The following CEP72 variants were observed in gnomAD, a reference collection of about 807,000 sequenced individuals.
The protein encoded by CEP72 is centrosomal protein 72.
A neutral mutation model predicts 65.7 loss-of-function variants in CEP72; 78 were observed. The observed-to-expected ratio is 1.19, with a 90% CI of 0.99 to 1.43. The LOEUF is 1.43. Ranked by LOEUF, CEP72 falls within the 40% of genes most tolerant of loss-of-function variation. CEP72 has a pLI of 0.00. For missense variants in CEP72, 914 were observed against 832.9 expected (o/e 1.10, Z -1.20); for synonymous variants, 358 against 351.7 (o/e 1.02, Z -0.20).
At chr5:621,494 C>T (rs1267113470) in intron 3 of CEP72, among the ~76,000 whole-genome samples, 1 of 152,212 alleles carries the variant, frequency 6.6e-6, no homozygotes, top group Non-Finnish European at 1.5e-5. Flanking sequence ...TTGTGGGCGT[C>T]GGGACTGAGG....
chr5:674,587 C>T, the CEP72 span, among the ~76,000 whole-genome samples: 1,019 of 152,260 alleles, frequency 6.7e-3, 30 homozygotes, highest in African/African-American at 0.023. Context: ...ACCTCCCGGG[C>T]ACAGCCCAGG....
Position 666,139 on chromosome 5 carries a change from C to T in CEP72, n.592+40C>T, listed in dbSNP as rs368815726. On this transcript the variant is annotated intron_variant and non_coding_transcript_variant, in intron 4 of 4. Coordinates refer to the CEP72 transcript ENST00000514507. ...AGACTTCCCTCTACAGGGGCACAGG[C>T]GACTTAGGGCTGGGCGCGGGCCGGC... The T allele has an allele frequency of 1.5e-4, 236 of 1,608,102 alleles. 1 individual carries two copies. Among genetic ancestry groups the T allele is most frequent in the Middle Eastern group, 1.2e-3 (7 of 6,068 alleles).
chr5:626,876 C>T (rs1474203206), intron 4 of CEP72, among the ~76,000 whole-genome samples: 5 of 152,124 alleles, frequency 3.3e-5, no homozygotes, highest in Non-Finnish European at 1.5e-5. Context: ...ATAAATCCTG[C>T]CTGATTGTGG....
chr5:621,633 G>A (rs1364634985), intron 3 of CEP72, among the ~76,000 whole-genome samples: 8 of 152,248 alleles, frequency 5.3e-5, no homozygotes, highest in African/African-American at 1.9e-4. Context: ...GAGCACCTAA[G>A]CGCCTCAGCG....
downstream of CEP72, among the ~76,000 whole-genome samples, chr5:655,885 A>G (rs1457343455): frequency 6.6e-6 from 1 of 152,134 alleles, no homozygotes; most frequent in South Asian, 2.1e-4. This position sits in a 1 kb window ranked among gnomAD's most constrained non-coding sequence, Gnocchi z 5.0. Flanking sequence ...TTTTACTTCA[A>G]TGGTGTCTTT....
chr5:669,051 C>T (rs78135521), downstream of CEP72, among the ~76,000 whole-genome samples: 216 of 152,352 alleles, frequency 1.4e-3, 1 homozygote, highest in African/African-American at 4.1e-3. Flanking sequence ...AAGAAGAAAT[C>T]GCGCTGAGAA....
At chr5:637,345 T>C (rs1466931845) in intron 6 of CEP72, among the ~76,000 whole-genome samples, 172 bp from the exon 7 acceptor site, 1 of 152,112 alleles carries the variant, frequency 6.6e-6, no homozygotes, top group Non-Finnish European at 1.5e-5. Context: ...TTTGTGCAGG[T>C]GTATGGATGT....
chr5:671,897 C>CA (rs1740236825), downstream of CEP72, among the ~76,000 whole-genome samples: 7 of 152,300 alleles, frequency 4.6e-5, no homozygotes, highest in South Asian at 1.4e-3. Flanking sequence ...TTCCCCCGGG[C>CA]TGGGTACCAC....
At chr5:649,823 GGACTGTGAGGCGT>G (rs1462074078) in intron 11 of CEP72, among the ~76,000 whole-genome samples, 1,040 of 58,792 alleles carry the variant, frequency 0.018, 70 homozygotes, top group Middle Eastern at 0.057. Context: ...TGTGAGGTGT[GGACTGTGAGGCGT>G]GACTGTGAGG....
At chr5:612,483 C>CGGGGGGGGGGGAAGGGGGGGGGGGGG in intron 1 of CEP72, 40 bp downstream of exon 1, 1 of 474,590 alleles carries the variant, frequency 2.1e-6, no homozygotes, top group Admixed American at 4.7e-5. Flanking sequence ...CGTGAGGTGG[C>CGGGGGGGGGGGAAGGGGGGGGGGGGG]GGGGGGGTGG....
intron 11 of CEP72, among the ~76,000 whole-genome samples, chr5:649,491 GGACTGTGAGGTGT>G (rs1436874531): frequency 4.5e-4 from 18 of 39,704 alleles, no homozygotes; most frequent in African/African-American, 1.7e-3. Context: ...TGTGAGGTGT[GGACTGTGAGGTGT>G]GACTGTGAGG....
chr5:654,340 T>C (rs1739306158), downstream of CEP72, among the ~76,000 whole-genome samples: 1 of 147,298 alleles, frequency 6.8e-6, no homozygotes. Flanking sequence ...GCGCTGTGTG[T>C]GCGCGCACGC....
chr5:648,028 A>T, intron 11 of CEP72, 112 bp downstream of exon 11: 1 of 653,028 alleles, frequency 1.5e-6, no homozygotes, highest in Non-Finnish European at 2.7e-6. Flanking sequence ...GCTCCTCATG[A>T]GTCTTGGCCG....
intron 7 of CEP72, among the ~76,000 whole-genome samples, chr5:638,230 C>T (rs946366536): frequency 1.3e-5 from 2 of 152,148 alleles, no homozygotes; most frequent in African/African-American, 4.8e-5. Context: ...AAGCTGGAAT[C>T]GGGCATCTTG....
exon 4 of CEP72, chr5:666,035 C>G (rs775980060): frequency 6.2e-7 from 1 of 1,611,466 alleles, no homozygotes; most frequent in Non-Finnish European, 8.5e-7. Flanking sequence ...ACGGCCTCCT[C>G]GCTGCTCTTG....
rs576429445 is a variant in CEP72 at position 644,949 on chromosome 5, A to G, written c.1666+524A>G. On this transcript the variant is annotated intron_variant, in intron 10 of 11. Coordinates refer to ENST00000264935, the MANE Select transcript of CEP72 (RefSeq NM_018140.4). The stretch of plus-strand genomic sequence containing the variant: ...TTTGTTCTGTTTTGCTATTTTTACA[A>G]AAGTGTATTCAGTATTTCAAGTTCA... Among the ~76,000 whole-genome samples the G allele has an allele frequency of 3.3e-5, 5 of 151,894 alleles. No individual in the cohort carries two copies. In the East Asian group the frequency reaches 5.9e-4, roughly 18 times the overall value.
At chr5:618,245 G>GA (rs1452654005) in intron 1 of CEP72, among the ~76,000 whole-genome samples, 1 of 152,156 alleles carries the variant, frequency 6.6e-6, no homozygotes, top group Non-Finnish European at 1.5e-5. Context: ...AACATAAGCC[G>GA]AAACTTCAGG....
intron 2 of CEP72, chr5:664,989 C>G (rs1407620094): frequency 1.5e-6 from 2 of 1,342,014 alleles, no homozygotes; most frequent in Non-Finnish European, 2.0e-6. Flanking sequence ...CCAGCCCCCT[C>G]TGGGGCACCC....
At chr5:647,384 A>G (rs1738493056) in intron 10 of CEP72, among the ~76,000 whole-genome samples, 1 of 152,268 alleles carries the variant, frequency 6.6e-6, no homozygotes, top group Admixed American at 6.5e-5. Context: ...GTCAGAGGGC[A>G]CTTTGGAGAC....
Sources: allele counts gnomAD v4.1 joint callset (sites outside exome capture counted in the v4.1 genomes callset), GRCh38; gene constraint gnomAD v4.1.1; non-coding constraint Gnocchi (gnomAD v3.1); transcripts MANE v1.5; gene names NCBI Gene and HGNC (gene_info 2026-07-23, HGNC 2026-07-21).